GABBR2: variants seen among roughly 807,000 people sequenced by gnomAD.
The protein encoded by GABBR2 is G-protein coupled receptor 51.
Under a neutral mutation model 105.6 loss-of-function variants are expected in GABBR2, and 23 were observed. The observed-to-expected ratio is 0.22, with a 90% CI of 0.16 to 0.31. The LOEUF is 0.31. GABBR2 is among the 10% of genes least tolerant of loss of function. The pLI is 1.00. For synonymous variants in GABBR2, 478 were observed against 499.7 expected (o/e 0.96, Z 0.58); for missense variants, 734 against 1,245.5 (o/e 0.59, Z 6.18).
At chr9:98,425,754 G>C (rs867786512) in intron 7 of GABBR2, among the ~76,000 whole-genome samples, 7 of 152,148 alleles carry the variant, frequency 4.6e-5, no homozygotes, top group Non-Finnish European at 8.8e-5. Flanking sequence ...GCTGGGATCC[G>C]AGCTCAGGTC....
chr9:98,578,661 A>G (rs1828955157), intron 1 of GABBR2, among the ~76,000 whole-genome samples: 1 of 152,166 alleles, frequency 6.6e-6, no homozygotes, highest in African/African-American at 2.4e-5. Context: ...TTGTACACCC[A>G]TGTTCATAGC....
intron 13 of GABBR2, among the ~76,000 whole-genome samples, chr9:98,313,497 G>A (rs907349565): frequency 2.6e-5 from 4 of 152,130 alleles, no homozygotes; most frequent in South Asian, 4.2e-4. Flanking sequence ...CCCTGCCTTC[G>A]AACAACATCA....
intron 7 of GABBR2, among the ~76,000 whole-genome samples, chr9:98,426,084 C>T (rs1825680166): frequency 6.6e-6 from 1 of 152,048 alleles, no homozygotes; most frequent in South Asian, 2.1e-4. Flanking sequence ...AAGGCTGGCA[C>T]ATGAGGGGTG....
chr9:98,444,907 G>A (rs1826099406), intron 7 of GABBR2, among the ~76,000 whole-genome samples: 1 of 150,688 alleles, frequency 6.6e-6, no homozygotes. Context: ...ACACGCACGT[G>A]ACCTTGTGTG....
At chr9:98,657,607 A>G (rs562994157) in intron 1 of GABBR2, among the ~76,000 whole-genome samples, 1 of 152,268 alleles carries the variant, frequency 6.6e-6, no homozygotes, top group Non-Finnish European at 1.5e-5. Flanking sequence ...GGTGAGGGCC[A>G]ACTCAGGTAA....
chr9:98,448,203 A>G (rs1033646854), intron 7 of GABBR2, among the ~76,000 whole-genome samples: 1 of 149,986 alleles, frequency 6.7e-6, no homozygotes, highest in Non-Finnish European at 1.5e-5. Flanking sequence ...TCGTTCCCAC[A>G]TAGAGTACAC....
intron 1 of GABBR2, among the ~76,000 whole-genome samples, chr9:98,643,916 A>C (rs1481082184): frequency 6.6e-6 from 1 of 152,212 alleles, no homozygotes; most frequent in African/African-American, 2.4e-5. Context: ...AAGGGAGCCA[A>C]GTCCTGGTGA....
At chr9:98,391,308 T>G (rs949401963) in intron 9 of GABBR2, among the ~76,000 whole-genome samples, 1 of 152,178 alleles carries the variant, frequency 6.6e-6, no homozygotes, top group Admixed American at 6.5e-5. Context: ...CCCAACAGCC[T>G]CAGGGGTAGT....
chr9:98,315,301 A>T (rs910176106), intron 13 of GABBR2, among the ~76,000 whole-genome samples: 5 of 152,148 alleles, frequency 3.3e-5, no homozygotes, highest in Admixed American at 6.5e-5. Flanking sequence ...AGCTGCTCCC[A>T]CACCCACCTT....
At chr9:98,682,974 T>G (rs1195259804) in intron 1 of GABBR2, among the ~76,000 whole-genome samples, 2 of 152,206 alleles carry the variant, frequency 1.3e-5, no homozygotes. Flanking sequence ...AAGGACAGCT[T>G]GGCAGGAAGT....
At chr9:98,626,365 A>C (rs1039542549) in intron 1 of GABBR2, among the ~76,000 whole-genome samples, 1 of 151,890 alleles carries the variant, frequency 6.6e-6, no homozygotes, top group African/African-American at 2.4e-5. Flanking sequence ...AAACACTTAG[A>C]TTACACATTT....
At chr9:98,445,089 AT>A (rs1329714592) in intron 7 of GABBR2, among the ~76,000 whole-genome samples, 1 of 152,240 alleles carries the variant, frequency 6.6e-6, no homozygotes, top group African/African-American at 2.4e-5. Flanking sequence ...GTGTGATTGA[AT>A]TTCTCAATCA....
chr9:98,531,428 G>T (rs1053792310), intron 3 of GABBR2, among the ~76,000 whole-genome samples: 3 of 152,220 alleles, frequency 2.0e-5, no homozygotes, highest in African/African-American at 7.2e-5. Flanking sequence ...TGTCCCGAGG[G>T]CAGGAGCTCT....
chr9:98,535,765 A>G (rs1408586320), intron 3 of GABBR2, among the ~76,000 whole-genome samples: 2 of 152,208 alleles, frequency 1.3e-5, no homozygotes, highest in Non-Finnish European at 1.5e-5. Context: ...AAAGAAGGGA[A>G]ATAAGCCAAT....
intron 2 of GABBR2, among the ~76,000 whole-genome samples, chr9:98,569,072 C>A (rs1158989274): frequency 6.6e-6 from 1 of 152,126 alleles, no homozygotes; most frequent in Non-Finnish European, 1.5e-5. Context: ...TGCTAAATGG[C>A]CCCCCTGGAG....
chr9:98,520,281 C>T (rs1564102304), intron 3 of GABBR2, among the ~76,000 whole-genome samples: 1 of 152,180 alleles, frequency 6.6e-6, no homozygotes, highest in African/African-American at 2.4e-5. Context: ...GCCACTGATA[C>T]TAAATCCTGA....
At chr9:98,596,112 T>G (rs1444989027) in intron 1 of GABBR2, among the ~76,000 whole-genome samples, 4 of 152,258 alleles carry the variant, frequency 2.6e-5, no homozygotes, top group Admixed American at 2.6e-4. Flanking sequence ...GGGTCTGGCT[T>G]GAGCCAGGTG....
In GABBR2 at chr9:98,388,658, T is replaced by C. The variant is rs141596378; in HGVS notation, c.1529+196A>G. ...GTGTGTGTGTGTGTGTGTGTGTGTG[T>C]GTGCGTGCACGCACACACACGTACT... On this transcript the variant is annotated intron_variant, in intron 10 of 18. Coordinates refer to ENST00000259455, the MANE Select transcript of GABBR2 (RefSeq NM_005458.8). The surrounding 1 kb of genome is among the most constrained non-coding windows in gnomAD (Gnocchi z 4.4). 0.045 allele frequency among the ~76,000 whole-genome samples: 6,108 copies of C among 135,728 alleles called. 442 individuals are homozygous for C. Among genetic ancestry groups the C allele is most frequent in the African/African-American group, 0.16 (5,722 of 36,248 alleles). The allele number at this position is 135,728 out of a possible 152,430, so 89.0% of individuals were successfully genotyped here. A position where few individuals can be genotyped will look rare whatever the true frequency, so the allele number is the denominator to read the frequency against.
chr9:98,449,557 G>C (rs1826196033), intron 7 of GABBR2, among the ~76,000 whole-genome samples: 1 of 152,084 alleles, frequency 6.6e-6, no homozygotes, highest in Non-Finnish European at 1.5e-5. Flanking sequence ...AGAATCAGAA[G>C]TTATGGGGTG....
Sources: gnomAD v4.1 joint callset for allele counts (sites outside exome capture counted in the v4.1 genomes callset) on GRCh38, gnomAD v4.1.1 for gene constraint, Gnocchi (gnomAD v3.1) non-coding constraint, MANE v1.5 for transcripts, NCBI Gene and HGNC (gene_info 2026-07-23, HGNC 2026-07-21) for gene names.